SH3TC2: variants seen among roughly 807,000 people sequenced by gnomAD.
SH3TC2 encodes SH3 domain and tetratricopeptide repeat-containing protein 2.
SH3TC2 carries 87 observed loss-of-function variants against 124.5 expected under a neutral mutation model. The ratio of observed to expected loss-of-function variants is 0.70; its 90% CI spans 0.59 to 0.84. The LOEUF is 0.84. SH3TC2 is among the 40% of genes least tolerant of loss of function. SH3TC2 has a pLI of 0.00. For synonymous variants in SH3TC2, 634 were observed against 628.5 expected, an observed-to-expected ratio of 1.01 and a Z score of -0.13; for missense variants, 1,536 against 1,566.4, an observed-to-expected ratio of 0.98 and a Z score of 0.33.
intron 12 of SH3TC2, among the ~76,000 whole-genome samples, chr5:149,025,414 CA>C (rs1395694128): frequency 6.6e-6 from 1 of 151,664 alleles, no homozygotes; most frequent in Non-Finnish European, 1.5e-5. Flanking sequence ...CTTAGAAATG[CA>C]AAAAAATATA....
intron 12 of SH3TC2, among the ~76,000 whole-genome samples, chr5:149,020,693 T>C (rs530907007): frequency 1.3e-5 from 2 of 152,208 alleles, no homozygotes; most frequent in South Asian, 2.1e-4. Context: ...AAGACCAAAA[T>C]TGTCATTAAA....
At chr5:149,057,680 G>C (rs1252822762) in intron 1 of SH3TC2, 2 of 152,122 alleles carry the variant, frequency 1.3e-5, no homozygotes, top group Admixed American at 1.3e-4. Context: ...CAAATATTCT[G>C]TGATCGGTAT....
At chr5:149,042,921 T>A (rs1175412520) in intron 4 of SH3TC2, 84 bp from the exon 5 acceptor site, 26 of 1,537,546 alleles carry the variant, frequency 1.7e-5, no homozygotes, top group Non-Finnish European at 6.2e-6. Flanking sequence ...AATTCCCTCC[T>A]GAGCTTGATT....
At position 148,995,484 on chromosome 5, in the gene SH3TC2, G is replaced by A. The variant is rs762186925; in HGVS notation, c.*9227C>T. 6.6e-6 allele frequency among the ~76,000 whole-genome samples: 1 copy of A among 152,128 alleles called. No individual in the cohort carries two copies. The highest frequency in any genetic ancestry group is 1.5e-5 in the Non-Finnish European group (1 of 68,004). On this transcript the variant is annotated 3_prime_UTR_variant, in exon 17 of 17. Transcript: ENST00000515425. ...GAAAATTAAGAAAAGACCTACCACAGCTATAGCAACTTATTCTAAACAAAC... is the reference window on the plus strand; with the variant it reads ...GAAAATTAAGAAAAGACCTACCACAACTATAGCAACTTATTCTAAACAAAC...
At position 148,994,697 on chromosome 5, in the gene SH3TC2, A is replaced by AAGGAT. The variant is rs886060144; in HGVS notation, c.*10013_*10014insATCCT. ...TTGGATAAATGAATGGATGGATGGAAGGATGGATGGATGGATGGATGGATG... is the reference window on the plus strand; with the variant it reads ...TTGGATAAATGAATGGATGGATGGAAAGGATGGATGGATGGATGGATGGATGGATG... On this transcript the variant is annotated 3_prime_UTR_variant, in exon 17 of 17. Transcript: ENST00000515425. Among the ~76,000 whole-genome samples, 2 of 144,736 alleles carry AAGGAT rather than the reference A, an allele frequency of 1.4e-5. No individual in the cohort carries two copies. Among genetic ancestry groups the AAGGAT allele is most frequent in the African/African-American group, 5.2e-5 (2 of 38,708 alleles). 95.0% of individuals were successfully genotyped at this position (144,736 alleles called of 152,430 possible). A position where few individuals can be genotyped will look rare whatever the true frequency, so the allele number is the denominator to read the frequency against.
At chr5:149,047,150 C>T (rs751706113) in intron 3 of SH3TC2, 49 of 152,566 alleles carry the variant, frequency 3.2e-4, no homozygotes, top group Non-Finnish European at 5.6e-4. Context: ...ATAATTTGAT[C>T]ATACCATTCT....
rs1019511165 is a variant in SH3TC2, at chr5:148,988,740, G to T, written c.*15971C>A. ...ACAGTAGAGAACCCAAGCGAGAATT[G>T]CCCGGGTGAGCCCAGTCAATCCATC... On this transcript the variant is annotated 3_prime_UTR_variant, in exon 17 of 17. Coordinates refer to ENST00000515425, the MANE Select transcript of SH3TC2 (RefSeq NM_024577.4). Among the ~76,000 whole-genome samples the T allele has an allele frequency of 1.3e-5, 2 of 152,176 alleles. No homozygotes were observed. The highest frequency in any genetic ancestry group is 2.9e-5 in the Non-Finnish European group (2 of 68,046).
chr5:149,006,802 G>T, intron 16 of SH3TC2, 79 bp downstream of exon 16: 1 of 1,423,004 alleles, frequency 7.0e-7, no homozygotes, highest in South Asian at 1.2e-5. Context: ...CCACCACAAA[G>T]GCTCCTCATT....
chr5:149,059,394 CCTCT>C (rs1754706622), intron 1 of SH3TC2, among the ~76,000 whole-genome samples: 1 of 152,110 alleles, frequency 6.6e-6, no homozygotes, highest in Non-Finnish European at 1.5e-5. Context: ...CTTCATTTCT[CCTCT>C]CTCAGCCTCT....
In SH3TC2 at chr5:149,041,406, G is replaced by A. The variant is rs1475921382; in HGVS notation, c.731+10C>T. 2 of 1,612,170 alleles carry A rather than the reference G, an allele frequency of 1.2e-6. No individual in the cohort carries two copies. The highest frequency in any genetic ancestry group is 2.2e-5 in the East Asian group (1 of 44,884). ...TGGGACTTGCTCCCAGGAGGCAGATGGCTACTCACTGGTGGAAAGGGAGAG... is the reference window on the plus strand; with the variant it reads ...TGGGACTTGCTCCCAGGAGGCAGATAGCTACTCACTGGTGGAAAGGGAGAG... On this transcript the variant is annotated intron_variant, in intron 6 of 16. Coordinates refer to ENST00000515425, the MANE Select transcript of SH3TC2 (RefSeq NM_024577.4).
rs1255197586 is a variant in SH3TC2 at position 148,986,330 on chromosome 5, G to A, written c.*18381C>T. On this transcript the variant is annotated 3_prime_UTR_variant, in exon 17 of 17. Coordinates refer to ENST00000515425, the MANE Select transcript of SH3TC2 (RefSeq NM_024577.4). ...AAAAACCTAATAGCACAAATCATGT[G>A]ATTACTAAATGTTAGAACTAAAAGA... Among the ~76,000 whole-genome samples, 5 of 152,152 alleles carry A rather than the reference G, an allele frequency of 3.3e-5. No individual in the cohort carries two copies.
intron 2 of SH3TC2, among the ~76,000 whole-genome samples, chr5:149,049,454 C>T (rs1754520223): frequency 6.6e-6 from 1 of 152,154 alleles, no homozygotes; most frequent in Non-Finnish European, 1.5e-5. Flanking sequence ...TTTATAGTAC[C>T]TATCCCACAG....
At chr5:149,050,080 T>A (rs1754530941) in intron 2 of SH3TC2, among the ~76,000 whole-genome samples, 1 of 152,144 alleles carries the variant, frequency 6.6e-6, no homozygotes, top group Non-Finnish European at 1.5e-5. Context: ...GGGCATTTGG[T>A]GTGAATCTCC....
intron 12 of SH3TC2, among the ~76,000 whole-genome samples, chr5:149,021,226 C>T (rs991561492): frequency 6.6e-6 from 1 of 152,014 alleles, no homozygotes; most frequent in African/African-American, 2.4e-5. Context: ...TTAGAAACTA[C>T]TTTGAGATGA....
chr5:149,012,703 C>T lies in SH3TC2; in HGVS notation c.3085G>A (p.Glu1029Lys). The T allele has an allele frequency of 6.2e-7, 1 of 1,614,158 alleles. No individual in the cohort carries two copies. The highest frequency in any genetic ancestry group is 8.5e-7 in the Non-Finnish European group (1 of 1,180,032). ...AGGTCAATGAAGATACGCAGGCTCT[C>T]CTTGATGCATGTGAGTGACCTCCTG... ...SLRRSLTCIKESLRIFIDLGE... is the reference protein window; with the variant it reads ...SLRRSLTCIKKSLRIFIDLGE... Residue 1029 changes from glutamate (E) to lysine (K), a missense_variant, in exon 13 of 17, where the codon GAG becomes AAG. By Grantham distance (56) the Glu-to-Lys change is moderately conservative. Around this residue, in one of 3 missense-constraint regions of SH3TC2, gnomAD observed 426 missense variants for 443.5 expected, o/e 0.96. Transcript: ENST00000515425.
intron 3 of SH3TC2, chr5:149,047,517 TG>T (rs1163342706): frequency 9.5e-6 from 3 of 314,188 alleles, no homozygotes; most frequent in Non-Finnish European, 1.9e-5. Context: ...AAAAAGAATT[TG>T]AAATTACCGC....
At chr5:149,012,041 T>A (rs908621249) in intron 13 of SH3TC2, among the ~76,000 whole-genome samples, 2 of 152,164 alleles carry the variant, frequency 1.3e-5, no homozygotes, top group Non-Finnish European at 2.9e-5. Context: ...AGATGTCATA[T>A]GGCAAGCCCA....
intron 12 of SH3TC2, among the ~76,000 whole-genome samples, chr5:149,017,205 G>A (rs886315275): frequency 2.0e-5 from 3 of 152,076 alleles, no homozygotes; most frequent in Non-Finnish European, 4.4e-5. Flanking sequence ...CAGTGCCTGG[G>A]CCATAGTAAA....
intron 1 of SH3TC2, among the ~76,000 whole-genome samples, chr5:149,059,033 G>T (rs145768074): frequency 6.6e-6 from 1 of 152,074 alleles, no homozygotes; most frequent in Non-Finnish European, 1.5e-5. Flanking sequence ...AGTGAATGAG[G>T]CTATATTTTT....
Sources: allele counts gnomAD v4.1 joint callset (sites outside exome capture counted in the v4.1 genomes callset), GRCh38; gene constraint gnomAD v4.1.1; regional missense constraint gnomAD v4.1.1; transcripts MANE v1.5; gene names NCBI Gene and HGNC (gene_info 2026-07-23, HGNC 2026-07-21).